RIMBP2: variants seen among roughly 807,000 people sequenced by gnomAD.
RIMBP2 encodes the protein RIMS binding protein 2.
Under a neutral mutation model 118.6 loss-of-function variants are expected in RIMBP2, and 48 were observed. The ratio of observed to expected loss-of-function variants is 0.40; its 90% CI spans 0.32 to 0.51. The LOEUF (loss-of-function observed/expected upper bound fraction) is 0.51, where lower values mean the gene tolerates loss of function less well. Among genes scored for constraint, RIMBP2 ranks in the 20% least tolerant of loss-of-function variants. RIMBP2 has a pLI of 0.41. For missense variants in RIMBP2, 1,551 were observed against 1,768.3 expected (o/e 0.88, Z 2.20); for synonymous variants, 762 against 742.9 (o/e 1.03, Z -0.42).
At chr12:130,409,332 C>CTTTTTTTT (rs35015661) in intron 19 of RIMBP2, among the ~76,000 whole-genome samples, 4 of 65,402 alleles carry the variant, frequency 6.1e-5, no homozygotes, top group East Asian at 5.1e-4. Flanking sequence ...CAAAATGTAG[C>CTTTTTTTT]TTTTTTTTTT....
chr12:130,450,309 G>A lies in RIMBP2; in HGVS notation c.505-33C>T. On this transcript the variant is annotated intron_variant, in intron 8 of 22. Transcript: ENST00000690449. The surrounding 1 kb of genome is among the most constrained non-coding windows in gnomAD (Gnocchi z 4.8). ...AAAGGCAATGGGTGTGTGGGTTATT[G>A]AAGCTGGAGGTGTCCCACCCCATTC... The A allele has an allele frequency of 8.6e-6, 13 of 1,519,402 alleles. No homozygotes were observed. Among genetic ancestry groups the A allele is most frequent in the Non-Finnish European group, 1.2e-5 (13 of 1,102,742 alleles). 94.1% of individuals were successfully genotyped at this position (1,519,402 alleles called of 1,614,324 possible).
At chr12:130,695,469 T>C (rs1419147449) in intron 1 of RIMBP2, among the ~76,000 whole-genome samples, 1 of 152,112 alleles carries the variant, frequency 6.6e-6, no homozygotes. Flanking sequence ...AGGCCAGGCA[T>C]GCCGGCTCCC....
rs1267932947 is a variant in RIMBP2, at chr12:130,667,150, G to T, written c.-351-38694C>A. ...AGGAAGGAGAGAGGGAGGGAAGGGA[G>T]GAAGGGAGGGAAGAAGGGAGGGAGG... On this transcript the variant is annotated intron_variant, in intron 1 of 22. Transcript: ENST00000690449. The T allele has an allele frequency of 5.9e-5, 4 of 67,430 alleles. No homozygotes were observed. In the South Asian group the frequency reaches 2.0e-3, roughly 34 times the overall value. 4.2% of individuals were successfully genotyped at this position (67,430 alleles called of 1,614,324 possible).
At position 130,424,607 on chromosome 12, in the gene RIMBP2, G is replaced by C; in HGVS notation, c.2664C>G (p.His888Gln). ...APRGSWFPVK[H>Q]RGSGAVPHVE... ...CGTGGGGGACGGCCCCCGAGCCCCT[G>C]TGCTTCACCGGGAACCAGGAGCCCC... Residue 888 changes from histidine to glutamine, a missense_variant, in exon 16 of 23, where the codon CAC becomes CAG. Transcript: ENST00000690449. The surrounding 1 kb of genome is among the most constrained non-coding windows in gnomAD (Gnocchi z 9.8). 1.6e-6 allele frequency: 2 copies of C among 1,231,828 alleles called. No individual in the cohort carries two copies. The highest frequency in any genetic ancestry group is 2.0e-6 in the Non-Finnish European group (2 of 987,778). 76.3% of individuals were successfully genotyped at this position (1,231,828 alleles called of 1,614,324 possible). A position where few individuals can be genotyped will look rare whatever the true frequency, so the allele number is the denominator to read the frequency against.
At chr12:130,646,616 C>G (rs955939222) in intron 1 of RIMBP2, among the ~76,000 whole-genome samples, 5 of 152,192 alleles carry the variant, frequency 3.3e-5, no homozygotes, top group African/African-American at 1.2e-4. Flanking sequence ...AGAATGACAA[C>G]CAATCTTAGA....
chr12:130,520,790 C>T lies in RIMBP2; in HGVS notation c.-216-2873G>A, dbSNP rs1471423824. Among the ~76,000 whole-genome samples, 3 of 152,128 alleles carry T rather than the reference C, an allele frequency of 2.0e-5. No homozygotes were observed. The East Asian group carries it at 5.8e-4, about 29-fold the overall frequency. On this transcript the variant is annotated intron_variant, in intron 2 of 22. Transcript: ENST00000690449. The stretch of plus-strand genomic sequence containing the variant: ...AGCCAAGTGCCAAAGCCCTTCCTAC[C>T]ATGATGGTAAAGGAAACCCATTCAG...
At chr12:130,662,166 C>T (rs2063692105) in intron 1 of RIMBP2, among the ~76,000 whole-genome samples, 1 of 152,230 alleles carries the variant, frequency 6.6e-6, no homozygotes, top group Admixed American at 6.5e-5. Flanking sequence ...CCAACAAATT[C>T]CCTAAATTTC....
At position 130,620,651 on chromosome 12, in the gene RIMBP2, C is replaced by T. The variant is rs993312018; in HGVS notation, c.-217+7671G>A. Among the ~76,000 whole-genome samples the T allele has an allele frequency of 2.0e-5, 3 of 152,130 alleles. No individual in the cohort carries two copies. Among genetic ancestry groups the T allele is most frequent in the East Asian group, 3.9e-4 (2 of 5,178 alleles). The stretch of plus-strand genomic sequence containing the variant: ...GTGGTGGCTGACATTCTTGGTACTT[C>T]GTGGCTCCTAGAAGCACCACCCCAA... On this transcript the variant is annotated intron_variant, in intron 2 of 22. Transcript: ENST00000690449. This position sits in a 1 kb window ranked among gnomAD's most constrained non-coding sequence, Gnocchi z 5.3.
rs772649843 is a variant in RIMBP2 at position 130,620,014 on chromosome 12, A to G, written c.-217+8308T>C. ...TGTGCTGAAATCTGCCCCCTGACAC[A>G]TGGTGTGCAGACTTGACTTGATGTC... On this transcript the variant is annotated intron_variant, in intron 2 of 22. Transcript: ENST00000690449. This position sits in a 1 kb window ranked among gnomAD's most constrained non-coding sequence, Gnocchi z 5.3. Among the ~76,000 whole-genome samples, 11 of 152,274 alleles carry G rather than the reference A, an allele frequency of 7.2e-5. No homozygotes were observed. The highest frequency in any genetic ancestry group is 1.9e-4 in the East Asian group (1 of 5,164).
At chr12:130,458,560 C>A (rs2079661415) in intron 6 of RIMBP2, among the ~76,000 whole-genome samples, 1 of 152,172 alleles carries the variant, frequency 6.6e-6, no homozygotes, top group Non-Finnish European at 1.5e-5. Flanking sequence ...GCAGGCAAGG[C>A]CGGACCCCGG....
chr12:130,543,573 A>G (rs543460627), intron 2 of RIMBP2, among the ~76,000 whole-genome samples: 1 of 152,116 alleles, frequency 6.6e-6, no homozygotes, highest in African/African-American at 2.4e-5. Context: ...GATGAGCCCT[A>G]TAGATTGGGA....
At chr12:130,461,297 A>C (rs2079968840) in intron 6 of RIMBP2, among the ~76,000 whole-genome samples, 1 of 152,132 alleles carries the variant, frequency 6.6e-6, no homozygotes, top group Non-Finnish European at 1.5e-5. Flanking sequence ...ACAGCAAATC[A>C]CCGTGTGGAC....
At position 130,686,249 on chromosome 12, in the gene RIMBP2, T is replaced by C. The variant is rs538808972; in HGVS notation, c.-352+29973A>G. Among the ~76,000 whole-genome samples, 59 of 152,312 alleles carry C rather than the reference T, an allele frequency of 3.9e-4. 1 individual carries two copies. The highest frequency in any genetic ancestry group is 6.8e-3 in the Middle Eastern group (2 of 294). ...CTTCTGGAGTCCAGGATTTCTTCTG[T>C]GGCCTCATCATGGAGCTATGGTCAC... On this transcript the variant is annotated intron_variant, in intron 1 of 22. Coordinates refer to ENST00000690449, the MANE Select transcript of RIMBP2 (RefSeq NM_001393629.1).
chr12:130,563,322 C>T (rs1460798721), intron 2 of RIMBP2, among the ~76,000 whole-genome samples: 1 of 152,242 alleles, frequency 6.6e-6, no homozygotes, highest in Non-Finnish European at 1.5e-5. Flanking sequence ...GGTGGCATCT[C>T]CAGCTGGAAG....
At position 130,447,645 on chromosome 12, in the gene RIMBP2, C is replaced by T. The variant is rs2078647105; in HGVS notation, c.582-2376G>A. ...AGCACAGCAGTGGCCCTGGGCGGCACACTGCAAGTGGGTGAACTGTGCAGT... is the reference window on the plus strand; with the variant it reads ...AGCACAGCAGTGGCCCTGGGCGGCATACTGCAAGTGGGTGAACTGTGCAGT... On this transcript the variant is annotated intron_variant, in intron 9 of 22. Transcript: ENST00000690449. The surrounding 1 kb of genome is among the most constrained non-coding windows in gnomAD (Gnocchi z 4.4). Among the ~76,000 whole-genome samples the T allele has an allele frequency of 6.6e-6, 1 of 152,164 alleles. No homozygotes were observed. The highest frequency in any genetic ancestry group is 6.5e-5 in the Admixed American group (1 of 15,286).
At chr12:130,501,431 A>T (rs371799392) in intron 4 of RIMBP2, among the ~76,000 whole-genome samples, 24 of 152,288 alleles carry the variant, frequency 1.6e-4, no homozygotes, top group African/African-American at 5.3e-4. Context: ...GGAGGGTAAG[A>T]GATGGGGGTT....
intron 1 of RIMBP2, among the ~76,000 whole-genome samples, chr12:130,694,426 C>T (rs540987127): frequency 5.3e-5 from 8 of 152,314 alleles, no homozygotes; most frequent in African/African-American, 1.7e-4. Context: ...TTAGAGGCTA[C>T]CCATGACCTT....
chr12:130,451,048 G>A (rs1236751449), intron 8 of RIMBP2, 147 bp downstream of exon 8: 2 of 922,970 alleles, frequency 2.2e-6, no homozygotes, highest in Non-Finnish European at 3.3e-6. Context: ...AGTAGGGCAA[G>A]GGAATTAACA....
Position 130,431,310 on chromosome 12 carries a change from C to T in RIMBP2, c.2254-2973G>A, listed in dbSNP as rs902040589. ...GGGATAGCGCCAGGGGGTAAGGGCTCATGTGACGGGGCGGGCAGCATGGGG... is the reference window on the plus strand; with the variant it reads ...GGGATAGCGCCAGGGGGTAAGGGCTTATGTGACGGGGCGGGCAGCATGGGG... On this transcript the variant is annotated intron_variant, in intron 14 of 22. Coordinates refer to ENST00000690449, the MANE Select transcript of RIMBP2 (RefSeq NM_001393629.1). The surrounding 1 kb of genome is among the most constrained non-coding windows in gnomAD (Gnocchi z 4.0). The T allele has an allele frequency of 1.6e-5, 4 of 250,876 alleles. No homozygotes were observed. The highest frequency in any genetic ancestry group is 7.2e-5 in the Admixed American group (2 of 27,898). 15.5% of individuals were successfully genotyped at this position (250,876 alleles called of 1,614,324 possible).
Sources: gnomAD v4.1 joint callset for allele counts (sites outside exome capture counted in the v4.1 genomes callset) on GRCh38, gnomAD v4.1.1 for gene constraint, Gnocchi (gnomAD v3.1) non-coding constraint, MANE v1.5 for transcripts, NCBI Gene and HGNC (gene_info 2026-07-23, HGNC 2026-07-21) for gene names.